Variants in PLSCR5 observed in about 807,000 individuals in gnomAD.
PLSCR5 encodes the protein phospholipid scramblase family, member 5.
In PLSCR5, 44 loss-of-function variants were observed where a neutral mutation model predicts 33.6. The observed-to-expected ratio is 1.31, with a 90% CI of 1.03 to 1.69. The LOEUF (loss-of-function observed/expected upper bound fraction) is 1.69, where lower values mean the gene tolerates loss of function less well. PLSCR5 is among the 40% of genes most tolerant of loss of function. The probability of loss-of-function intolerance (pLI) is 0.00; values close to 1 mark genes in which losing one functional copy is unlikely to be tolerated. For synonymous variants in PLSCR5, 148 were observed against 112.3 expected (o/e 1.32, Z -2.01); for missense variants, 375 against 318.7 (o/e 1.18, Z -1.34).
intron 7 of PLSCR5, among the ~76,000 whole-genome samples, chr3:146,576,908 T>G (rs1276051877): frequency 3.9e-5 from 6 of 151,962 alleles, no homozygotes; most frequent in Admixed American, 3.3e-4. Flanking sequence ...AATCCGGAAT[T>G]AAAAATAAAA....
chr3:146,584,814 GA>G (rs1422273937), downstream of PLSCR5, among the ~76,000 whole-genome samples: 1 of 152,030 alleles, frequency 6.6e-6, no homozygotes, highest in African/African-American at 2.4e-5. Flanking sequence ...TTATTTCTAG[GA>G]AATGATCATC....
At chr3:146,576,936 G>A (rs1321217920) in intron 7 of PLSCR5, among the ~76,000 whole-genome samples, 3 of 151,826 alleles carry the variant, frequency 2.0e-5, no homozygotes, top group Non-Finnish European at 4.4e-5. Context: ...TATTTTGTCA[G>A]CATTAGAAAA....
At chr3:146,604,264 T>A (rs189696157) in intron 1 of PLSCR5, among the ~76,000 whole-genome samples, 17 of 152,262 alleles carry the variant, frequency 1.1e-4, no homozygotes, top group African/African-American at 4.1e-4. Context: ...TCTTACACAG[T>A]TTCACAAGTG....
chr3:146,579,106 A>AT (rs2044617281), intron 7 of PLSCR5, among the ~76,000 whole-genome samples: 1 of 152,058 alleles, frequency 6.6e-6, no homozygotes, highest in African/African-American at 2.4e-5. Context: ...ACTAAGTACA[A>AT]TTCCCACCTA....
chr3:146,580,063 G>T (rs1188000684), intron 7 of PLSCR5, among the ~76,000 whole-genome samples: 1 of 152,138 alleles, frequency 6.6e-6, no homozygotes, highest in African/African-American at 2.4e-5. Flanking sequence ...CTCTCTAGGG[G>T]TACTAACTTT....
At chr3:146,591,923 A>G (rs2044719596) in intron 4 of PLSCR5, 42 bp from the exon 5 acceptor site, 2 of 1,466,738 alleles carry the variant, frequency 1.4e-6, no homozygotes, top group Admixed American at 2.4e-5. Context: ...TTCTTAGGTT[A>G]TCATATTTTA....
chr3:146,586,158 C>T (rs1219214107), intron 6 of PLSCR5, 46 bp from the exon 7 acceptor site: 10 of 1,402,634 alleles, frequency 7.1e-6, no homozygotes, highest in Non-Finnish European at 9.4e-6. Context: ...AAAAAGACAA[C>T]AATTAAGATC....
At chr3:146,577,330 T>G (rs2044604922) in intron 7 of PLSCR5, among the ~76,000 whole-genome samples, 4 of 152,138 alleles carry the variant, frequency 2.6e-5, no homozygotes, top group Admixed American at 2.6e-4. Context: ...AACTGGGACT[T>G]GACTCCATGG....
At chr3:146,602,751 C>T (rs891676758) in intron 1 of PLSCR5, among the ~76,000 whole-genome samples, 20 of 152,116 alleles carry the variant, frequency 1.3e-4, no homozygotes, top group African/African-American at 4.8e-4. Flanking sequence ...ATTATGTTTG[C>T]TGTAACAAAA....
At chr3:146,581,872 T>G (rs2107846092), downstream of PLSCR5, among the ~76,000 whole-genome samples, 1 of 152,356 alleles carries the variant, frequency 6.6e-6, no homozygotes, top group African/African-American at 2.4e-5. Context: ...TAACACATTT[T>G]TAGGAACATC....
Position 146,600,318 on chromosome 3 carries a change from A to ATC in PLSCR5, c.158_159insGA (p.Ser53ArgfsTer7). ...TTAAATATTCTAGACCAGGAGGGAGACTGACTGTTGGCAGGAAACTGCTTG... is the reference window on the plus strand; with the variant it reads ...TTAAATATTCTAGACCAGGAGGGAGATCCTGACTGTTGGCAGGAAACTGCTTG... On this transcript the variant is annotated frameshift_variant, in exon 2 of 8. Coordinates refer to ENST00000443512, the MANE Select transcript of PLSCR5 (RefSeq NM_001085420.2). LOFTEE classifies it high-confidence loss of function. 6.2e-7 allele frequency: 1 copy of ATC among 1,602,190 alleles called. No homozygotes were observed.
rs780494516 is a variant in PLSCR5 at position 146,589,667 on chromosome 3, C to T, written c.763G>A (p.Ala255Thr). The change falls in exon 6 of 8, where the codon GCC becomes ACC. Residue 255 changes from alanine to threonine, a missense_variant. Physicochemically the swap from Ala to Thr is moderately conservative, Grantham distance 58 (BLOSUM62 0). Coordinates refer to ENST00000443512, the MANE Select transcript of PLSCR5 (RefSeq NM_001085420.2). The stretch of plus-strand genomic sequence containing the variant: ...CCCATACTTACAAAGAGAAAACAGG[C>T]ACCGATCATTGCTGCTTTGACTGTT... ...DVTVKAAMIG[A>T]CFLFDFMFFE... is the part of the protein sequence containing the mutation. The T allele has an allele frequency of 1.9e-6, 3 of 1,587,612 alleles. No individual in the cohort carries two copies. Among genetic ancestry groups the T allele is most frequent in the African/African-American group, 1.3e-5 (1 of 74,358 alleles).
intron 6 of PLSCR5, among the ~76,000 whole-genome samples, chr3:146,587,634 G>A (rs1008774324): frequency 5.9e-5 from 9 of 152,110 alleles, no homozygotes; most frequent in Non-Finnish European, 1.0e-4. Flanking sequence ...CCAGTGGATA[G>A]AGGAGAATAG....
chr3:146,589,588 A>C, intron 6 of PLSCR5, 65 bp downstream of exon 6: 2 of 1,368,584 alleles, frequency 1.5e-6, no homozygotes, highest in Non-Finnish European at 2.0e-6. Context: ...GGGATAGGCT[A>C]TATTGTAATT....
chr3:146,599,460 A>C (rs887680502), intron 2 of PLSCR5, among the ~76,000 whole-genome samples: 35 of 151,286 alleles, frequency 2.3e-4, no homozygotes, highest in African/African-American at 8.5e-4. Context: ...ACCTGCACAA[A>C]TTACAATAGT....
intron 1 of PLSCR5, among the ~76,000 whole-genome samples, chr3:146,601,360 AT>A (rs146183615): frequency 0.051 from 7,725 of 151,342 alleles, 260 homozygotes; most frequent in East Asian, 0.14. Context: ...ATTAGATATA[AT>A]TTTTTTTTCA....
At chr3:146,591,981 A>T in intron 4 of PLSCR5, 100 bp from the exon 5 acceptor site, 3 of 1,009,062 alleles carry the variant, frequency 3.0e-6, no homozygotes, top group Non-Finnish European at 4.2e-6. Context: ...CTGTTATAAA[A>T]TTATTTTGAT....
intron 7 of PLSCR5, chr3:146,576,791 G>C (rs2044600325): frequency 6.7e-6 from 1 of 148,758 alleles, no homozygotes; most frequent in African/African-American, 2.4e-5. Context: ...TCTATAATGG[G>C]ATTCTAGAGG....
chr3:146,582,898 ATTTCAAATAACCGAATGGTCCTGCC>A (rs1657789988), downstream of PLSCR5, among the ~76,000 whole-genome samples: 1 of 152,096 alleles, frequency 6.6e-6, no homozygotes, highest in African/African-American at 2.4e-5. Flanking sequence ...AGGCTTTTGC[ATTTCAAATAACCGAATGGTCCTGCC>A]TAGACCAGCA....
Sources: gnomAD v4.1 joint callset for allele counts (sites outside exome capture counted in the v4.1 genomes callset) on GRCh38, gnomAD v4.1.1 for gene constraint, MANE v1.5 for transcripts, NCBI Gene and HGNC (gene_info 2026-07-23, HGNC 2026-07-21) for gene names.